KIRREL1: variants seen among roughly 807,000 people sequenced by gnomAD.
KIRREL1 encodes kirre like nephrin family adhesion molecule 1, also known as kin of IRRE-like protein 1.
A neutral mutation model predicts 83.3 loss-of-function variants in KIRREL1; 25 were observed. The observed-to-expected ratio is 0.30, with a 90% CI of 0.22 to 0.42. KIRREL1 has a LOEUF of 0.42. Among genes scored for constraint, KIRREL1 ranks in the 10% least tolerant of loss-of-function variants. KIRREL1 has a pLI of 1.00. For missense variants in KIRREL1, 812 were observed against 1,032.3 expected (o/e 0.79, Z 2.92); for synonymous variants, 388 against 410.4 (o/e 0.95, Z 0.66).
intron 1 of KIRREL1, among the ~76,000 whole-genome samples, chr1:158,074,284 G>C (rs1057461035): frequency 2.0e-5 from 3 of 152,120 alleles, no homozygotes; most frequent in Non-Finnish European, 4.4e-5. Flanking sequence ...CAGACCCAAA[G>C]ACCTAAATTT....
rs1662285956 is a variant in KIRREL1 at position 158,094,204 on chromosome 1, C to G, written c.1720-109C>G. ...ACCAGAACTCAAGTCTGCCCTTGACCTCAGACCCCACCCATGAGCAGGTGG... is the reference window on the plus strand; with the variant it reads ...ACCAGAACTCAAGTCTGCCCTTGACGTCAGACCCCACCCATGAGCAGGTGG... On this transcript the variant is annotated intron_variant, in intron 13 of 14. Coordinates refer to ENST00000359209, the MANE Select transcript of KIRREL1 (RefSeq NM_018240.7). This position sits in a 1 kb window ranked among gnomAD's most constrained non-coding sequence, Gnocchi z 4.6. 1 of 930,740 alleles carries G rather than the reference C, an allele frequency of 1.1e-6. No individual in the cohort carries two copies. The highest frequency in any genetic ancestry group is 1.7e-6 in the Non-Finnish European group (1 of 582,856). The allele number at this position is 930,740 out of a possible 1,614,324, so 57.7% of individuals were successfully genotyped here.
chr1:157,993,685 C>G lies in KIRREL1; in HGVS notation c.9C>G (p.Ser3Arg). The G allele has an allele frequency of 6.7e-7, 1 of 1,490,412 alleles. No individual in the cohort carries two copies. The highest frequency in any genetic ancestry group is 8.9e-7 in the Non-Finnish European group (1 of 1,118,612). 92.3% of individuals were successfully genotyped at this position (1,490,412 alleles called of 1,614,324 possible). The change falls in exon 1 of 15, where the codon AGC (serine) becomes AGG (arginine). Residue 3 changes from serine to arginine, a missense_variant. Physicochemically the swap from Ser to Arg is moderately radical, Grantham distance 110 (BLOSUM62 -1). Coordinates refer to ENST00000359209, the MANE Select transcript of KIRREL1 (RefSeq NM_018240.7). ML[S>R]LLVWILTLSD... ...CACGGCGGGCGGACAGCATGCTGAG[C>G]CTCCTCGTCTGGATCCTCACTCTCT...
intron 13 of KIRREL1, among the ~76,000 whole-genome samples, 157 bp downstream of exon 13, chr1:158,093,919 A>T (rs1437405555): frequency 2.6e-5 from 4 of 152,000 alleles, no homozygotes; most frequent in Non-Finnish European, 5.9e-5. Context: ...ACATTCTCTC[A>T]CACACGCCCC....
intron 1 of KIRREL1, among the ~76,000 whole-genome samples, chr1:158,013,886 G>C (rs1445213123): frequency 6.6e-6 from 1 of 152,190 alleles, no homozygotes; most frequent in East Asian, 1.9e-4. Context: ...ATTGCTAGAG[G>C]AAGGTGGTGG....
intron 1 of KIRREL1, among the ~76,000 whole-genome samples, chr1:158,035,509 GC>G (rs1225155470): frequency 5.3e-5 from 8 of 152,254 alleles, no homozygotes; most frequent in Middle Eastern, 3.4e-3. Flanking sequence ...TATATAATGA[GC>G]ACCTATTCTG....
At chr1:158,032,275 G>GA (rs1660349519) in intron 1 of KIRREL1, among the ~76,000 whole-genome samples, 1 of 152,164 alleles carries the variant, frequency 6.6e-6, no homozygotes, top group Non-Finnish European at 1.5e-5. Context: ...GATGGCTGGA[G>GA]AGGATAAGGA....
intron 1 of KIRREL1, among the ~76,000 whole-genome samples, chr1:158,064,652 C>A (rs1004467515): frequency 6.6e-6 from 1 of 152,106 alleles, no homozygotes; most frequent in African/African-American, 2.4e-5. Context: ...ATATCTATTC[C>A]TTGGGATCTA....
At chr1:158,038,545 T>G (rs938664223) in intron 1 of KIRREL1, among the ~76,000 whole-genome samples, 1 of 149,986 alleles carries the variant, frequency 6.7e-6, no homozygotes, top group African/African-American at 2.5e-5. Flanking sequence ...TGGGCTGGTC[T>G]TAAACTCCTG....
At chr1:158,074,225 A>T (rs1265139656) in intron 1 of KIRREL1, among the ~76,000 whole-genome samples, 1 of 152,162 alleles carries the variant, frequency 6.6e-6, no homozygotes, top group Non-Finnish European at 1.5e-5. Flanking sequence ...TTGAGGAGCC[A>T]CTCATGGAGT....
intron 1 of KIRREL1, among the ~76,000 whole-genome samples, chr1:158,008,396 G>A (rs796696043): frequency 6.6e-6 from 1 of 152,198 alleles, no homozygotes; most frequent in East Asian, 1.9e-4. Flanking sequence ...TATCCCCGGA[G>A]CTCCCCTGGC....
At position 158,093,375 on chromosome 1, in the gene KIRREL1, T is replaced by C. The variant is rs780906703; in HGVS notation, c.1508T>C (p.Ile503Thr). Residue 503 changes from isoleucine to threonine, a missense_variant, in exon 12 of 15, where the codon ATC becomes ACC. Ile to Thr is a moderately conservative substitution (Grantham distance 89). This residue lies in a region of KIRREL1 where 334 missense variants were observed against 383.7 expected (regional missense o/e 0.87). Coordinates refer to ENST00000359209, the MANE Select transcript of KIRREL1 (RefSeq NM_018240.7). ...GTGGGCATCATAGCTGGGGCCACCA[T>C]CGGCGCGAGCATCCTGCTCATCTTC... ...LPVGIIAGAT[I>T]GASILLIFFF... 101 of 1,614,078 alleles carry C rather than the reference T, an allele frequency of 6.3e-5. No individual in the cohort carries two copies. Among genetic ancestry groups the C allele is most frequent in the Admixed American group, 6.7e-5 (4 of 59,998 alleles).
In KIRREL1 at chr1:157,993,663, G is replaced by A. The variant is rs1318796921; in HGVS notation, c.-14G>A. On this transcript the variant is annotated 5_prime_UTR_variant, in exon 1 of 15. Coordinates refer to ENST00000359209, the MANE Select transcript of KIRREL1 (RefSeq NM_018240.7). ...GGGCCCCAGCCGCGGGCGGGCGCAC[G>A]GCGGGCGGACAGCATGCTGAGCCTC... 2 of 1,471,402 alleles carry A rather than the reference G, an allele frequency of 1.4e-6. No homozygotes were observed. Among genetic ancestry groups the A allele is most frequent in the Admixed American group, 2.4e-5 (1 of 40,818 alleles). The allele number at this position is 1,471,402 out of a possible 1,614,324, so 91.1% of individuals were successfully genotyped here. A position where few individuals can be genotyped will look rare whatever the true frequency, so the allele number is the denominator to read the frequency against.
At chr1:158,088,754 G>T (rs974599917) in intron 8 of KIRREL1, among the ~76,000 whole-genome samples, 2 of 152,106 alleles carry the variant, frequency 1.3e-5, no homozygotes, top group Non-Finnish European at 2.9e-5. Flanking sequence ...AAAGTGCTGG[G>T]ATTACAGGCG....
intron 1 of KIRREL1, among the ~76,000 whole-genome samples, chr1:158,034,151 T>G (rs1660405383): frequency 1.3e-5 from 2 of 150,122 alleles, no homozygotes; most frequent in South Asian, 4.2e-4. Flanking sequence ...CGGGCGCCTG[T>G]AATCCCAGCT....
chr1:158,074,625 C>T (rs992700089), intron 1 of KIRREL1, among the ~76,000 whole-genome samples: 10 of 152,050 alleles, frequency 6.6e-5, no homozygotes, highest in African/African-American at 1.9e-4. Flanking sequence ...CCGAGTGACG[C>T]GACCGGTTAT....
At chr1:158,065,836 G>A (rs910392472) in intron 1 of KIRREL1, among the ~76,000 whole-genome samples, 6 of 151,974 alleles carry the variant, frequency 3.9e-5, no homozygotes, top group Admixed American at 2.0e-4. Flanking sequence ...TGTCTCTGCC[G>A]CCTGCCCTCT....
At chr1:158,093,260 C>A in intron 11 of KIRREL1, 79 bp from the exon 12 acceptor site, 1 of 1,229,930 alleles carries the variant, frequency 8.1e-7, no homozygotes, top group Non-Finnish European at 1.2e-6. Context: ...TGGCTGTGGC[C>A]TAGCCTTTAG....
chr1:158,055,647 A>T (rs1215144049), intron 1 of KIRREL1, among the ~76,000 whole-genome samples: 2 of 152,172 alleles, frequency 1.3e-5, no homozygotes, highest in Non-Finnish European at 2.9e-5. Context: ...TGTAATTATG[A>T]GCAGAATTTA....
chr1:158,007,480 C>T (rs573533189), intron 1 of KIRREL1, among the ~76,000 whole-genome samples: 10 of 152,206 alleles, frequency 6.6e-5, no homozygotes, highest in Non-Finnish European at 8.8e-5. Context: ...CTGAGAGCTG[C>T]GGTATGGCTT....
Sources: allele counts gnomAD v4.1 joint callset (sites outside exome capture counted in the v4.1 genomes callset), GRCh38; gene constraint gnomAD v4.1.1; regional missense constraint gnomAD v4.1.1; non-coding constraint Gnocchi (gnomAD v3.1); transcripts MANE v1.5; gene names NCBI Gene and HGNC (gene_info 2026-07-23, HGNC 2026-07-21).